Variants in SH3RF3 observed in about 807,000 individuals in gnomAD.
SH3RF3 encodes the protein SH3 domain containing ring finger 3, also known as E3 ubiquitin-protein ligase SH3RF3.
Under a neutral mutation model 66.3 loss-of-function variants are expected in SH3RF3, and 29 were observed. That is an observed-to-expected ratio of 0.44 (90% CI 0.33 to 0.60). The LOEUF is 0.60. Ranked by LOEUF, SH3RF3 falls within the 20% of genes least tolerant of loss-of-function variation. The pLI, the probability that SH3RF3 is intolerant of heterozygous loss-of-function variation, is 0.04. For missense variants in SH3RF3, 1,194 were observed against 1,190.9 expected (o/e 1.00, Z -0.04); for synonymous variants, 583 against 532.0 (o/e 1.10, Z -1.32).
chr2:109,135,747 C>T (rs1191019908), intron 1 of SH3RF3, among the ~76,000 whole-genome samples: 1 of 152,180 alleles, frequency 6.6e-6, no homozygotes, highest in Non-Finnish European at 1.5e-5. Context: ...GAAACTGGAT[C>T]GTCAAGCATT....
rs140513929 is a variant in SH3RF3 at position 109,152,640 on chromosome 2, G to A, written c.573+22527G>A. On this transcript the variant is annotated intron_variant, in intron 1 of 9. Coordinates refer to ENST00000309415, the MANE Select transcript of SH3RF3 (RefSeq NM_001099289.3). Reference sequence around the variant, plus strand: ...GTGGGGATTATCATTCTCTTTAAACGGCATTATTTAATAAAGAGTAAGCAT... The same window carrying A: ...GTGGGGATTATCATTCTCTTTAAACAGCATTATTTAATAAAGAGTAAGCAT... 3.9e-5 allele frequency among the ~76,000 whole-genome samples: 6 copies of A among 152,180 alleles called. No homozygotes were observed. In the East Asian group the frequency reaches 1.2e-3, roughly 29 times the overall value.
intron 1 of SH3RF3, among the ~76,000 whole-genome samples, chr2:109,341,437 C>A (rs1682551470): frequency 6.6e-6 from 1 of 152,186 alleles, no homozygotes; most frequent in Non-Finnish European, 1.5e-5. Flanking sequence ...GATGACAGCA[C>A]ATAAATGATA....
intron 5 of SH3RF3, among the ~76,000 whole-genome samples, chr2:109,430,819 T>G (rs1677188591): frequency 1.3e-5 from 2 of 152,240 alleles, no homozygotes; most frequent in South Asian, 4.1e-4. Context: ...TTGGTCCTAA[T>G]TTCACTGTCA....
chr2:109,490,040 G>C (rs1679091154), intron 8 of SH3RF3, among the ~76,000 whole-genome samples: 1 of 152,130 alleles, frequency 6.6e-6, no homozygotes, highest in African/African-American at 2.4e-5. Flanking sequence ...GCCCAGCCTG[G>C]ATGAGCTCTT....
chr2:109,296,234 T>TATTATTATTATTATTATTATTATC (rs1340098545), intron 1 of SH3RF3, among the ~76,000 whole-genome samples: 1 of 151,878 alleles, frequency 6.6e-6, no homozygotes, highest in African/African-American at 2.4e-5. Flanking sequence ...GTATTATTAT[T>TATTATTATTATTATTATTATTATC]ATTATTATTC....
At chr2:109,446,924 C>A (rs903756054) in intron 7 of SH3RF3, among the ~76,000 whole-genome samples, 1 of 151,958 alleles carries the variant, frequency 6.6e-6, no homozygotes, top group Non-Finnish European at 1.5e-5. Context: ...TGTCACCCCC[C>A]TTCCAGGGAC....
At chr2:109,177,789 T>C (rs1677957371) in intron 1 of SH3RF3, among the ~76,000 whole-genome samples, 1 of 152,212 alleles carries the variant, frequency 6.6e-6, no homozygotes, top group Non-Finnish European at 1.5e-5. Context: ...TAAGAAATAT[T>C]AAAGCCTATT....
intron 1 of SH3RF3, among the ~76,000 whole-genome samples, chr2:109,206,527 G>T (rs1186299194): frequency 6.9e-6 from 1 of 145,974 alleles, no homozygotes; most frequent in Admixed American, 6.9e-5. Flanking sequence ...AATTAGAGGA[G>T]GCTGAGTGTG....
At chr2:109,446,597 G>A (rs1017389976) in intron 7 of SH3RF3, among the ~76,000 whole-genome samples, 4 of 152,172 alleles carry the variant, frequency 2.6e-5, no homozygotes, top group African/African-American at 9.7e-5. Context: ...CCAGGCACCC[G>A]AGGGTCCCAC....
intron 1 of SH3RF3, among the ~76,000 whole-genome samples, chr2:109,248,607 A>T (rs189169087): frequency 2.6e-5 from 4 of 152,256 alleles, no homozygotes; most frequent in African/African-American, 9.6e-5. Context: ...TTGACCAAAC[A>T]TGTATATTAA....
At chr2:109,394,163 C>G (rs1428742722) in intron 3 of SH3RF3, among the ~76,000 whole-genome samples, 1 of 152,208 alleles carries the variant, frequency 6.6e-6, no homozygotes, top group East Asian at 1.9e-4. Flanking sequence ...GTTTTTCTTA[C>G]CTTTCTAGAC....
chr2:109,397,734 C>T (rs532750218), intron 3 of SH3RF3, among the ~76,000 whole-genome samples: 1 of 152,308 alleles, frequency 6.6e-6, no homozygotes, highest in East Asian at 1.9e-4. Context: ...GGCTGCCCCT[C>T]CCAGCCCCTC....
chr2:109,317,898 G>T (rs7576212), intron 1 of SH3RF3, among the ~76,000 whole-genome samples: 47,321 of 140,176 alleles, frequency 0.34, 9,134 homozygotes, highest in African/African-American at 0.55. Context: ...GATGTATGTG[G>T]CCAGCAGCAG....
rs192468891 is a variant in SH3RF3 at position 109,436,375 on chromosome 2, T to C, written c.1575-518T>C. 1.1e-3 allele frequency among the ~76,000 whole-genome samples: 163 copies of C among 152,334 alleles called. 1 individual carries two copies. In the East Asian group the frequency reaches 0.019, roughly 18 times the overall value. On this transcript the variant is annotated intron_variant, in intron 6 of 9. Coordinates refer to ENST00000309415, the MANE Select transcript of SH3RF3 (RefSeq NM_001099289.3). ...AAACTTCGGAGTGAAAGGGCATCTA[T>C]TTCTGGTATGGAACTGCAAGCTCCC...
chr2:109,310,848 C>A (rs1157316869), intron 1 of SH3RF3, among the ~76,000 whole-genome samples: 2 of 86,450 alleles, frequency 2.3e-5, no homozygotes, highest in Non-Finnish European at 4.1e-5. Context: ...TGGCAATAAT[C>A]AATAGTTTAC....
In SH3RF3 at chr2:109,231,543, A is replaced by G. The variant is rs115392267; in HGVS notation, c.573+101430A>G. Among the ~76,000 whole-genome samples, 969 of 152,310 alleles carry G rather than the reference A, an allele frequency of 6.4e-3. 15 individuals are homozygous for G. The highest frequency in any genetic ancestry group is 0.022 in the African/African-American group (927 of 41,554). ...TCGTGCTCTGTTCATAGATTTTTCC[A>G]CTTGGGCTTTTTGCTGTATTTCTTT... On this transcript the variant is annotated intron_variant, in intron 1 of 9. Transcript: ENST00000309415.
At chr2:109,148,552 G>A (rs937940704) in intron 1 of SH3RF3, among the ~76,000 whole-genome samples, 1 of 152,210 alleles carries the variant, frequency 6.6e-6, no homozygotes, top group East Asian at 1.9e-4. Flanking sequence ...CTGCTGACTG[G>A]TGCCATTTTG....
intron 3 of SH3RF3, among the ~76,000 whole-genome samples, chr2:109,377,142 T>C (rs1251973880): frequency 2.0e-5 from 3 of 152,220 alleles, no homozygotes; most frequent in Non-Finnish European, 2.9e-5. Context: ...ATTCTTGGCG[T>C]TTCCCATTGA....
chr2:109,339,632 C>T (rs200010230), intron 1 of SH3RF3, among the ~76,000 whole-genome samples: 2 of 152,282 alleles, frequency 1.3e-5, no homozygotes, highest in East Asian at 1.9e-4. Context: ...CCTTTGTTCC[C>T]TGGGAGGGAT....
Sources: gnomAD v4.1 joint callset for allele counts (sites outside exome capture counted in the v4.1 genomes callset) on GRCh38, gnomAD v4.1.1 for gene constraint, MANE v1.5 for transcripts, NCBI Gene and HGNC (gene_info 2026-07-23, HGNC 2026-07-21) for gene names.